MYLK: variants seen among roughly 807,000 people sequenced by gnomAD.
The protein encoded by MYLK is myosin light chain kinase, smooth muscle.
Under a neutral mutation model 203.4 loss-of-function variants are expected in MYLK, and 106 were observed. The observed-to-expected ratio is 0.52, with a 90% CI of 0.45 to 0.61. The LOEUF is 0.61. MYLK is among the 20% of genes least tolerant of loss of function. MYLK has a pLI of 0.00. For synonymous variants in MYLK, 867 were observed against 959.5 expected, an observed-to-expected ratio of 0.90 and a Z score of 1.78; for missense variants, 2,072 against 2,442.3, an observed-to-expected ratio of 0.85 and a Z score of 3.20.
At chr3:123,860,191 G>A (rs909960416) in intron 2 of MYLK, among the ~76,000 whole-genome samples, 1 of 152,178 alleles carries the variant, frequency 6.6e-6, no homozygotes, top group African/African-American at 2.4e-5. Flanking sequence ...GCAGAGCAGT[G>A]CTCACGCCCT....
intron 28 of MYLK, 111 bp from the exon 29 acceptor site, chr3:123,638,305 G>A: frequency 6.7e-7 from 1 of 1,494,768 alleles, no homozygotes; most frequent in Middle Eastern, 2.4e-4. Context: ...GCCAGACACA[G>A]GCTTTGGCAC....
chr3:123,882,690 G>A (rs1347591903), intron 1 of MYLK, among the ~76,000 whole-genome samples: 1 of 152,156 alleles, frequency 6.6e-6, no homozygotes, highest in Non-Finnish European at 1.5e-5. Context: ...ACCCAATCCA[G>A]CATCCAGAGT....
intron 4 of MYLK, among the ~76,000 whole-genome samples, chr3:123,784,062 A>T (rs2064405894): frequency 6.6e-6 from 1 of 152,164 alleles, no homozygotes; most frequent in South Asian, 2.1e-4. Context: ...CTTTCCCATT[A>T]TGAATATAGA....
At chr3:123,763,139 CT>C (rs2108939511) in intron 4 of MYLK, among the ~76,000 whole-genome samples, 1 of 152,280 alleles carries the variant, frequency 6.6e-6, no homozygotes, top group African/African-American at 2.4e-5. Flanking sequence ...ATATCTTGAA[CT>C]TTTTATTTTT....
chr3:123,859,789 T>G (rs1232997218), intron 2 of MYLK, among the ~76,000 whole-genome samples: 1 of 152,128 alleles, frequency 6.6e-6, no homozygotes, highest in Non-Finnish European at 1.5e-5. Context: ...AACAATGAGA[T>G]AGCGTGTATT....
chr3:123,862,992 T>C (rs1282524216), intron 2 of MYLK, among the ~76,000 whole-genome samples: 1 of 152,200 alleles, frequency 6.6e-6, no homozygotes, highest in Non-Finnish European at 1.5e-5. Flanking sequence ...AGAAGGGTTA[T>C]TATAACACAG....
At chr3:123,878,809 C>A (rs2033323772) in intron 1 of MYLK, among the ~76,000 whole-genome samples, 1 of 152,154 alleles carries the variant, frequency 6.6e-6, no homozygotes, top group Admixed American at 6.5e-5. Context: ...GCCCCAGCCT[C>A]CCGAGTAGCT....
At chr3:123,867,308 C>A (rs1484739321) in intron 2 of MYLK, among the ~76,000 whole-genome samples, 1 of 151,888 alleles carries the variant, frequency 6.6e-6, no homozygotes, top group African/African-American at 2.4e-5. Context: ...GAAGTCCTAA[C>A]CTCTGGTACC....
intron 5 of MYLK, among the ~76,000 whole-genome samples, chr3:123,747,625 A>C (rs777531895): frequency 9.2e-5 from 14 of 152,214 alleles, no homozygotes; most frequent in Admixed American, 2.0e-4. Flanking sequence ...GCGGCTGGAA[A>C]TGCAGACTCC....
intron 3 of MYLK, among the ~76,000 whole-genome samples, chr3:123,814,708 T>C (rs1248434177): frequency 6.6e-6 from 1 of 152,250 alleles, no homozygotes; most frequent in Admixed American, 6.5e-5. Flanking sequence ...CAAAACTTAA[T>C]GATGCCCCTG....
chr3:123,802,597 C>T (rs958772047), intron 3 of MYLK, among the ~76,000 whole-genome samples: 13 of 152,224 alleles, frequency 8.5e-5, no homozygotes, highest in African/African-American at 2.9e-4. Context: ...CAACAACACA[C>T]ACACAGACAC....
chr3:123,770,722 AAC>A lies in MYLK; in HGVS notation c.166-18186_166-18185del, dbSNP rs554867363. ...AGTTGGTCTATTTAGCCTGGAGTAA[AAC>A]ACACCAAAAGGAGGGCATATCTGTC... On this transcript the variant is annotated intron_variant, in intron 4 of 33. Coordinates refer to ENST00000360304, the MANE Select transcript of MYLK (RefSeq NM_053025.4). Among the ~76,000 whole-genome samples, 214 of 152,342 alleles carry A rather than the reference AAC, an allele frequency of 1.4e-3. 1 individual carries two copies. Among genetic ancestry groups the A allele is most frequent in the African/African-American group, 5.1e-3 (210 of 41,568 alleles).
chr3:123,776,876 G>A (rs1409065857), intron 4 of MYLK, among the ~76,000 whole-genome samples: 1 of 152,212 alleles, frequency 6.6e-6, no homozygotes, highest in Non-Finnish European at 1.5e-5. Context: ...GGCCTGTGAT[G>A]CTTCCACAAG....
intron 2 of MYLK, 37 bp downstream of exon 2, chr3:123,876,522 A>G (rs951900776): frequency 6.6e-6 from 1 of 152,248 alleles, no homozygotes; most frequent in African/African-American, 2.4e-5. Context: ...TTTGGAATAA[A>G]GAAAATATAA....
chr3:123,874,688 G>A (rs1234291113), intron 2 of MYLK, among the ~76,000 whole-genome samples: 1 of 152,076 alleles, frequency 6.6e-6, no homozygotes, highest in Non-Finnish European at 1.5e-5. Flanking sequence ...TTGTTAAAGA[G>A]AATGAGAAGA....
chr3:123,646,100 G>A (rs903136424), intron 27 of MYLK, among the ~76,000 whole-genome samples: 3 of 152,094 alleles, frequency 2.0e-5, no homozygotes, highest in Non-Finnish European at 4.4e-5. Flanking sequence ...CTCCAGCCTC[G>A]GCGACAGAGT....
At chr3:123,729,687 C>T (rs938245493) in intron 11 of MYLK, among the ~76,000 whole-genome samples, 4 of 152,070 alleles carry the variant, frequency 2.6e-5, no homozygotes, top group Non-Finnish European at 4.4e-5. Context: ...TCAAGTCCAG[C>T]CTGGGCAACA....
intron 3 of MYLK, among the ~76,000 whole-genome samples, chr3:123,815,221 C>T (rs1299548508): frequency 1.3e-5 from 2 of 152,132 alleles, no homozygotes; most frequent in Non-Finnish European, 2.9e-5. Context: ...TGTCAACTTG[C>T]CTGGTGCTGA....
intron 2 of MYLK, among the ~76,000 whole-genome samples, chr3:123,873,060 C>G (rs867838346): frequency 3.3e-5 from 5 of 152,270 alleles, no homozygotes; most frequent in Middle Eastern, 3.4e-3. Context: ...CCTCTCACCA[C>G]TCTCACTCAG....
Sources: allele counts gnomAD v4.1 joint callset (sites outside exome capture counted in the v4.1 genomes callset), GRCh38; gene constraint gnomAD v4.1.1; transcripts MANE v1.5; gene names NCBI Gene and HGNC (gene_info 2026-07-23, HGNC 2026-07-21).